The following TMEM62 variants were observed in gnomAD, a reference collection of about 807,000 sequenced individuals.
TMEM62 encodes transmembrane protein 62.
A neutral mutation model predicts 70.4 loss-of-function variants in TMEM62; 41 were observed. The ratio of observed to expected loss-of-function variants is 0.58; its 90% CI spans 0.45 to 0.76. The LOEUF is 0.76. Ranked by LOEUF, TMEM62 falls within the 30% of genes least tolerant of loss-of-function variation. The pLI is 0.00. For synonymous variants in TMEM62, 268 were observed against 291.0 expected (o/e 0.92, Z 0.80); for missense variants, 688 against 788.5 (o/e 0.87, Z 1.53).
At chr15:43,154,557 C>A in intron 8 of TMEM62, 115 bp from the exon 9 acceptor site, 1 of 838,028 alleles carries the variant, frequency 1.2e-6, no homozygotes, top group Non-Finnish European at 1.7e-6. Context: ...TGCTGTTGTA[C>A]AATATGATGG....
Position 43,133,763 on chromosome 15 carries a change from C to T in TMEM62, c.-40C>T. 1 of 1,315,790 alleles carries T rather than the reference C, an allele frequency of 7.6e-7. No individual in the cohort carries two copies. Among genetic ancestry groups the T allele is most frequent in the South Asian group, 2.1e-5 (1 of 48,596 alleles). 81.5% of individuals were successfully genotyped at this position (1,315,790 alleles called of 1,614,324 possible). A position where few individuals can be genotyped will look rare whatever the true frequency, so the allele number is the denominator to read the frequency against. On this transcript the variant is annotated 5_prime_UTR_variant, in exon 1 of 14. Transcript: ENST00000260403. Reference sequence around the variant, plus strand: ...CTCCCGGGAGCGCCGCGCGGTCCTGCGCGGGATCAGCGAGGGCCGCGCCCC... The same window carrying T: ...CTCCCGGGAGCGCCGCGCGGTCCTGTGCGGGATCAGCGAGGGCCGCGCCCC...
At chr15:43,180,517 C>T (rs2041228258) in intron 12 of TMEM62, 1 of 152,056 alleles carries the variant, frequency 6.6e-6, no homozygotes, top group South Asian at 2.1e-4. Context: ...ACTTACAAGA[C>T]AAAATGACAA....
At chr15:43,147,872 C>A (rs897421593) in intron 5 of TMEM62, among the ~76,000 whole-genome samples, 1 of 152,120 alleles carries the variant, frequency 6.6e-6, no homozygotes, top group African/African-American at 2.4e-5. Flanking sequence ...AAATTAAAAA[C>A]CCTGAGGGTA....
chr15:43,167,929 C>G (rs1349050793), intron 10 of TMEM62, among the ~76,000 whole-genome samples: 1 of 152,098 alleles, frequency 6.6e-6, no homozygotes, highest in African/African-American at 2.4e-5. Context: ...GGAGACCAGC[C>G]CGGCCAACAC....
intron 3 of TMEM62, among the ~76,000 whole-genome samples, chr15:43,137,171 C>T (rs887461110): frequency 6.6e-6 from 1 of 152,106 alleles, no homozygotes; most frequent in South Asian, 2.1e-4. Flanking sequence ...CAAAAGAGTC[C>T]TGATGGTAGT....
At chr15:43,157,206 G>A (rs951698050) in intron 9 of TMEM62, among the ~76,000 whole-genome samples, 3 of 152,096 alleles carry the variant, frequency 2.0e-5, no homozygotes, top group Non-Finnish European at 4.4e-5. Flanking sequence ...CTGGGCTAGT[G>A]GCATCAGTAT....
intron 7 of TMEM62, among the ~76,000 whole-genome samples, chr15:43,151,358 G>A (rs2037363264): frequency 6.7e-6 from 1 of 149,652 alleles, no homozygotes; most frequent in African/African-American, 2.5e-5. Flanking sequence ...TTTAAAAGAA[G>A]CATGAAAGAT....
intron 10 of TMEM62, among the ~76,000 whole-genome samples, chr15:43,164,871 A>C (rs2039199993): frequency 6.6e-6 from 1 of 152,136 alleles, no homozygotes; most frequent in Non-Finnish European, 1.5e-5. Flanking sequence ...TTTCCTTCTG[A>C]ATATGTCATG....
At chr15:43,153,691 T>C (rs563895077) in intron 8 of TMEM62, among the ~76,000 whole-genome samples, 4 of 151,808 alleles carry the variant, frequency 2.6e-5, no homozygotes, top group African/African-American at 9.7e-5. Flanking sequence ...TGTGTGTATA[T>C]ACACACATAT....
intron 10 of TMEM62, among the ~76,000 whole-genome samples, chr15:43,164,927 A>G (rs1350342456): frequency 1.3e-5 from 2 of 152,118 alleles, no homozygotes; most frequent in Non-Finnish European, 2.9e-5. Context: ...GTCTGCTGCC[A>G]GACATATTGG....
At position 43,133,675 on chromosome 15, in the gene TMEM62, G is replaced by C; in HGVS notation, c.-128G>C. On this transcript the variant is annotated 5_prime_UTR_variant, in exon 1 of 14. Transcript: ENST00000260403. ...GTGTCTGGCTCCAGCCCCGCATCCGGCGCCGGCCCCGCATCCAGCTCTGGC... is the reference window on the plus strand; with the variant it reads ...GTGTCTGGCTCCAGCCCCGCATCCGCCGCCGGCCCCGCATCCAGCTCTGGC... The C allele has an allele frequency of 1.5e-6, 1 of 657,470 alleles. No individual in the cohort carries two copies. The allele number at this position is 657,470 out of a possible 1,614,324, so 40.7% of individuals were successfully genotyped here. A position where few individuals can be genotyped will look rare whatever the true frequency, so the allele number is the denominator to read the frequency against.
chr15:43,146,698 CTTAAAG>C, intron 5 of TMEM62, 64 bp downstream of exon 5: 1 of 1,376,054 alleles, frequency 7.3e-7, no homozygotes, highest in Admixed American at 2.3e-5. Flanking sequence ...GTGTGGATCA[CTTAAAG>C]TTATCAAAAG....
chr15:43,151,196 G>C (rs538787106), intron 7 of TMEM62, among the ~76,000 whole-genome samples: 2 of 152,034 alleles, frequency 1.3e-5, no homozygotes, highest in East Asian at 3.9e-4. Context: ...AAATAGCCAG[G>C]TGTGGTGGCG....
At position 43,169,582 on chromosome 15, in the gene TMEM62, T is replaced by C. The variant is rs2039971507; in HGVS notation, c.1297-11T>C. ...TGTATCTATTTCACGTTAACATCTA[T>C]TTCCCTGCAGGCCCGGGTCCTTTTT... On this transcript the variant is annotated splice_polypyrimidine_tract_variant and intron_variant, in intron 10 of 13. Transcript: ENST00000260403. 1 of 1,612,096 alleles carries C rather than the reference T, an allele frequency of 6.2e-7. No individual in the cohort carries two copies. Among genetic ancestry groups the C allele is most frequent in the Non-Finnish European group, 8.5e-7 (1 of 1,179,046 alleles).
chr15:43,149,021 T>C lies in TMEM62; in HGVS notation c.744-8T>C, dbSNP rs983728933. On this transcript the variant is annotated splice_region_variant and splice_polypyrimidine_tract_variant and intron_variant, in intron 6 of 13. Transcript: ENST00000260403. ...GTTCATTTATTTCATTTATTTTTCA[T>C]TGGTTAGTTCGGCTATAGCTTATTT... 1.1e-5 allele frequency: 17 copies of C among 1,612,924 alleles called. No individual in the cohort carries two copies. Among genetic ancestry groups the C allele is most frequent in the Non-Finnish European group, 1.4e-5 (17 of 1,179,578 alleles).
At chr15:43,163,160 T>C (rs1317344164) in intron 10 of TMEM62, among the ~76,000 whole-genome samples, 1 of 151,440 alleles carries the variant, frequency 6.6e-6, no homozygotes, top group Non-Finnish European at 1.5e-5. Context: ...TCAGATCTCA[T>C]TTATCCTGGG....
At chr15:43,167,558 G>A (rs1369469734) in intron 10 of TMEM62, among the ~76,000 whole-genome samples, 1 of 151,982 alleles carries the variant, frequency 6.6e-6, no homozygotes, top group African/African-American at 2.4e-5. Flanking sequence ...TCACTTCCTA[G>A]ATGGGATGGC....
rs532590161 is a variant in TMEM62, at chr15:43,169,656, C to T, written c.1360C>T (p.Arg454Ter). The change falls in exon 11 of 14, where the codon CGA becomes TGA. Residue 454 changes from arginine (R) to a stop codon, truncating the protein, a stop_gained. Transcript: ENST00000260403. LOFTEE classifies it high-confidence loss of function. ...QLTILIIFRY[R>*]GYPELKEPSG... is the part of the protein sequence containing the mutation. ...CACCATTCTCATTATTTTTAGATAT[C>T]GAGGATACCCAGAGCTTAAAGGTTA... 8.0e-5 allele frequency: 129 copies of T among 1,613,952 alleles called. 1 individual carries two copies. The South Asian group carries it at 1.2e-3, about 15-fold the overall frequency.
intron 13 of TMEM62, 31 bp downstream of exon 13, chr15:43,181,330 T>A: frequency 7.1e-7 from 1 of 1,417,080 alleles, no homozygotes; most frequent in Non-Finnish European, 1.0e-6. Flanking sequence ...TTTAAGAACA[T>A]CTTGGACTTG....
Sources: allele counts gnomAD v4.1 joint callset (sites outside exome capture counted in the v4.1 genomes callset), GRCh38; gene constraint gnomAD v4.1.1; transcripts MANE v1.5; gene names NCBI Gene and HGNC (gene_info 2026-07-23, HGNC 2026-07-21).